The following UBR4 variants were observed in gnomAD, a reference collection of about 807,000 sequenced individuals.
The protein encoded by UBR4 is E3 ubiquitin-protein ligase UBR4.
Under a neutral mutation model 575.6 loss-of-function variants are expected in UBR4, and 124 were observed. The ratio of observed to expected loss-of-function variants is 0.22; its 90% CI spans 0.19 to 0.25. The LOEUF is 0.25. Among genes scored for constraint, UBR4 ranks in the 10% least tolerant of loss-of-function variants. The pLI is 1.00. For missense variants in UBR4, 4,818 were observed against 6,478.8 expected (o/e 0.74, Z 8.80); for synonymous variants, 2,455 against 2,473.7 (o/e 0.99, Z 0.22).
intron 102 of UBR4, 175 bp from the exon 103 acceptor site, chr1:19,081,748 G>C (rs202139279): frequency 2.6e-6 from 2 of 767,634 alleles, no homozygotes; most frequent in Admixed American, 4.0e-5. Flanking sequence ...GATAATCCAC[G>C]CCCTTCGTCC....
chr1:19,196,904 G>C (rs1401084015), intron 8 of UBR4, among the ~76,000 whole-genome samples: 2 of 152,132 alleles, frequency 1.3e-5, no homozygotes, highest in Non-Finnish European at 2.9e-5. Flanking sequence ...TAAATATTTA[G>C]TATCTGCACA....
intron 8 of UBR4, among the ~76,000 whole-genome samples, chr1:19,195,032 G>C (rs924622850): frequency 6.6e-6 from 1 of 151,560 alleles, no homozygotes; most frequent in Non-Finnish European, 1.5e-5. Flanking sequence ...AGGCCAAGGC[G>C]GGCGGATCAC....
intron 83 of UBR4, 80 bp from the exon 84 acceptor site, chr1:19,105,922 CCA>C: frequency 1.8e-6 from 2 of 1,083,802 alleles, no homozygotes; most frequent in Non-Finnish European, 2.6e-6. Flanking sequence ...CAGTCAACTG[CCA>C]CCCATCTAGG....
At position 19,150,597 on chromosome 1, in the gene UBR4, G is replaced by A. The variant is rs1158372928; in HGVS notation, c.7410C>T (p.Thr2470=). The A allele has an allele frequency of 4.3e-6, 7 of 1,613,322 alleles. No homozygotes were observed. The highest frequency in any genetic ancestry group is 2.2e-5 in the East Asian group (1 of 44,898). ...GGTACCTCTCCAGGACAGTTCCACT[G>A]GTCGTAGTGGGGGCAGCTGAGTCGC... ...GDSDSAAPTT[T]SGTVLERLVV... is the part of the protein sequence containing the mutation. Residue 2470 remains threonine (T), a synonymous_variant, in exon 49 of 106, where the codon ACC becomes ACT. Coordinates refer to ENST00000375254, the MANE Select transcript of UBR4 (RefSeq NM_020765.3).
At chr1:19,098,142 A>G (rs1017149645) in intron 90 of UBR4, among the ~76,000 whole-genome samples, 4 of 152,230 alleles carry the variant, frequency 2.6e-5, no homozygotes, top group African/African-American at 7.2e-5. Flanking sequence ...TCAGGACAGG[A>G]CACCCTGGAG....
chr1:19,104,710 G>A (rs753982770), intron 85 of UBR4, 44 bp from the exon 86 acceptor site: 1 of 1,583,910 alleles, frequency 6.3e-7, no homozygotes. Context: ...TCACTGCCAA[G>A]GATACCAGTT....
intron 55 of UBR4, among the ~76,000 whole-genome samples, chr1:19,142,776 ATAAT>A (rs1242787225): frequency 2.0e-5 from 3 of 152,264 alleles, no homozygotes; most frequent in Non-Finnish European, 2.9e-5. Context: ...ACTGGATTAA[ATAAT>A]TAGTAAATCA....
chr1:19,175,855 G>A (rs71645438), intron 20 of UBR4, among the ~76,000 whole-genome samples: 41,600 of 151,872 alleles, frequency 0.27, 6,546 homozygotes, highest in East Asian at 0.61. Context: ...GTACAGTGGC[G>A]TGATCACAGC....
At chr1:19,087,603 G>C (rs1190676008) in intron 99 of UBR4, among the ~76,000 whole-genome samples, 1 of 152,248 alleles carries the variant, frequency 6.6e-6, no homozygotes, top group Non-Finnish European at 1.5e-5. Context: ...AGCAGCATTT[G>C]TCATGATGAT....
At chr1:19,156,032 G>C (rs2086399762) in intron 42 of UBR4, among the ~76,000 whole-genome samples, 6 of 152,090 alleles carry the variant, frequency 3.9e-5, no homozygotes, top group Admixed American at 3.3e-4. Flanking sequence ...TTAGAGACAG[G>C]GTCTTGCTCT....
In UBR4 at chr1:19,112,311, G is replaced by A; in HGVS notation, c.11801+213C>T. ...CTGTACTGGAACCAAAAAAGCACAA[G>A]CCAATCATGCCATTTACAAGGAAAC... On this transcript the variant is annotated intron_variant, in intron 78 of 105. Coordinates refer to ENST00000375254, the MANE Select transcript of UBR4 (RefSeq NM_020765.3). 6 of 556,110 alleles carry A rather than the reference G, an allele frequency of 1.1e-5. No individual in the cohort carries two copies. The East Asian group carries it at 1.8e-4, about 17-fold the overall frequency. The allele number at this position is 556,110 out of a possible 1,614,324, so 34.4% of individuals were successfully genotyped here.
intron 9 of UBR4, 125 bp from the exon 10 acceptor site, chr1:19,192,665 C>T (rs1322449198): frequency 9.8e-6 from 10 of 1,020,490 alleles, no homozygotes; most frequent in South Asian, 7.2e-5. Context: ...TACATTCCAT[C>T]GTACTTTCCT....
rs1184892281 is a variant in UBR4 at position 19,190,292 on chromosome 1, C to CAAAAAAAAAAA, written c.1394+1885_1394+1895dup. On this transcript the variant is annotated intron_variant, in intron 11 of 105. Transcript: ENST00000375254. ...TGGGCAACAGAGCGAGACTCTGCCTCAAAAAAAAAAAAAAAAAAAAATATA... is the reference window on the plus strand; with the variant it reads ...TGGGCAACAGAGCGAGACTCTGCCTCAAAAAAAAAAAAAAAAAAAAAAAAAAAAAAAATATA... Among the ~76,000 whole-genome samples the CAAAAAAAAAAA allele has an allele frequency of 1.2e-4, 5 of 40,374 alleles. 1 individual carries two copies. The highest frequency in any genetic ancestry group is 9.8e-4 in the East Asian group (1 of 1,016). The allele number at this position is 40,374 out of a possible 152,430, so 26.5% of individuals were successfully genotyped here.
chr1:19,130,180 C>T (rs1319726745), intron 60 of UBR4, among the ~76,000 whole-genome samples: 1 of 152,154 alleles, frequency 6.6e-6, no homozygotes, highest in Non-Finnish European at 1.5e-5. Context: ...CATACCACTG[C>T]AAACTAGCCT....
rs1212258166 is a variant in UBR4, at chr1:19,184,107, A to G, written c.2007T>C (p.Phe669=). The G allele has an allele frequency of 6.2e-7, 1 of 1,614,200 alleles. No homozygotes were observed. Among genetic ancestry groups the G allele is most frequent in the Admixed American group, 1.7e-5 (1 of 60,028 alleles). Residue 669 remains phenylalanine (F), a synonymous_variant, in exon 16 of 106, where the codon TTT becomes TTC. Coordinates refer to ENST00000375254, the MANE Select transcript of UBR4 (RefSeq NM_020765.3). Reference sequence around the variant, plus strand: ...GAGATACACTCAGATAGTTTCGGATAAAATTGTTCCGAGAGTTCAGCATGG... The same window carrying G: ...GAGATACACTCAGATAGTTTCGGATGAAATTGTTCCGAGAGTTCAGCATGG... The part of the protein sequence containing the change: ...TSSMLNSRNN[F]IRNYLSVSLS...
chr1:19,209,102 C>T (rs912042087), intron 1 of UBR4, among the ~76,000 whole-genome samples: 1 of 152,184 alleles, frequency 6.6e-6, no homozygotes, highest in Admixed American at 6.5e-5. Flanking sequence ...ATTTGTCAAA[C>T]CGTGGGCCTC....
intron 92 of UBR4, 85 bp downstream of exon 92, chr1:19,096,438 T>C (rs564548686): frequency 1.0e-4 from 158 of 1,543,334 alleles, no homozygotes; most frequent in Non-Finnish European, 1.3e-4. Flanking sequence ...TAGGGTAAAA[T>C]GACACAGTGG....
At position 19,112,662 on chromosome 1, in the gene UBR4, C is replaced by A. The variant is rs376204835; in HGVS notation, c.11663G>T (p.Arg3888Leu). 1 of 1,614,234 alleles carries A rather than the reference C, an allele frequency of 6.2e-7. No homozygotes were observed. Among genetic ancestry groups the A allele is most frequent in the Non-Finnish European group, 8.5e-7 (1 of 1,180,044 alleles). ...CAAGGCTGGGTTGGTGGCCAGGGCC[C>A]GAAGTAGTGTGATACAATGTTCTGT... ...AVTEHCITLL[R>L]ALATNPALRH... The change falls in exon 78 of 106, where the codon CGG (arginine) becomes CTG (leucine). Residue 3888 changes from arginine (R) to leucine (L), a missense_variant. By Grantham distance (102) the Arg-to-Leu change is moderately radical. Transcript: ENST00000375254.
rs765521369 is a variant in UBR4 at position 19,175,059 on chromosome 1, G to T, written c.2774-26C>A. The T allele has an allele frequency of 2.5e-6, 4 of 1,595,404 alleles. No individual in the cohort carries two copies. In the Admixed American group the frequency reaches 6.8e-5, roughly 27 times the overall value. ...CTGAAAAGTAATATGCTGATTAAAA[G>T]AATGGTTCCATTCTTAACTCTATCT... On this transcript the variant is annotated intron_variant, in intron 20 of 105. Coordinates refer to ENST00000375254, the MANE Select transcript of UBR4 (RefSeq NM_020765.3).
Sources: gnomAD v4.1 joint callset for allele counts (sites outside exome capture counted in the v4.1 genomes callset) on GRCh38, gnomAD v4.1.1 for gene constraint, MANE v1.5 for transcripts, NCBI Gene and HGNC (gene_info 2026-07-23, HGNC 2026-07-21) for gene names.